RABGAP1L: variants seen among roughly 807,000 people sequenced by gnomAD.
The protein encoded by RABGAP1L is RAB GTPase activating protein 1 like.
In RABGAP1L, 63 loss-of-function variants were observed where a neutral mutation model predicts 137.7. The observed-to-expected ratio is 0.46, with a 90% CI of 0.37 to 0.56. RABGAP1L has a LOEUF of 0.56. Among genes scored for constraint, RABGAP1L ranks in the 20% least tolerant of loss-of-function variants. The pLI is 0.00. For synonymous variants in RABGAP1L, 431 were observed against 433.7 expected (o/e 0.99, Z 0.08); for missense variants, 1,095 against 1,244.0 (o/e 0.88, Z 1.80).
chr1:174,655,807 TG>T (rs1314421359), intron 14 of RABGAP1L, among the ~76,000 whole-genome samples: 1 of 152,246 alleles, frequency 6.6e-6, no homozygotes, highest in Non-Finnish European at 1.5e-5. Context: ...TATTGTCCAG[TG>T]GGAAGACTTC....
intron 14 of RABGAP1L, among the ~76,000 whole-genome samples, chr1:174,644,840 G>A (rs142818078): frequency 3.9e-5 from 6 of 152,010 alleles, no homozygotes; most frequent in Admixed American, 1.3e-4. Flanking sequence ...AGAACCCTTC[G>A]TCCTTTCTCC....
intron 13 of RABGAP1L, among the ~76,000 whole-genome samples, chr1:174,610,700 A>G (rs573443640): frequency 1.2e-3 from 180 of 152,322 alleles, no homozygotes; most frequent in African/African-American, 4.1e-3. Flanking sequence ...ATTTCTCCAC[A>G]TCCTCTCCAG....
rs1184223337 is a variant in RABGAP1L, at chr1:174,221,147, T to C, written c.314T>C (p.Leu105Ser). The C allele has an allele frequency of 2.5e-6, 4 of 1,611,768 alleles. 1 individual carries two copies. The South Asian group carries it at 3.3e-5, about 13-fold the overall frequency. ...AATAAGCCATCTCTTCAGTTAATTT[T>C]GGATCCGTCTAACACAGGTACTGTA... Reference protein sequence around the residue: ...QTNKPSLQLILDPSNTEISTP... With the variant: ...QTNKPSLQLISDPSNTEISTP... Residue 105 changes from leucine to serine, a missense_variant, in exon 3 of 26, where the codon TTG becomes TCG. By Grantham distance (145) the Leu-to-Ser change is moderately radical. Around this residue, in one of 4 missense-constraint regions of RABGAP1L, gnomAD observed 356 missense variants for 326.3 expected, o/e 1.09. Coordinates refer to ENST00000681986, the MANE Select transcript of RABGAP1L (RefSeq NM_001366446.1).
intron 10 of RABGAP1L, among the ~76,000 whole-genome samples, chr1:174,294,673 A>G (rs768378061): frequency 1.8e-4 from 27 of 152,306 alleles, no homozygotes; most frequent in Non-Finnish European, 3.4e-4. Context: ...TGGCCAAGAT[A>G]AGAAATGATG....
chr1:174,615,065 T>C, intron 13 of RABGAP1L, among the ~76,000 whole-genome samples: 1 of 152,246 alleles, frequency 6.6e-6, no homozygotes, highest in East Asian at 1.9e-4. Context: ...TCTGAAGCCT[T>C]CTTCTCTCAA....
At chr1:174,408,443 C>T (rs974036514) in intron 13 of RABGAP1L, among the ~76,000 whole-genome samples, 4 of 152,180 alleles carry the variant, frequency 2.6e-5, no homozygotes, top group African/African-American at 9.6e-5. Flanking sequence ...ATATATACCA[C>T]ATTTTCTTTT....
intron 21 of RABGAP1L, 64 bp downstream of exon 21, chr1:174,969,451 C>G: frequency 8.1e-7 from 1 of 1,229,704 alleles, no homozygotes. Flanking sequence ...CCCTCATCAC[C>G]GCCCCCACAA....
At chr1:174,350,151 T>A (rs1268938907) in intron 11 of RABGAP1L, among the ~76,000 whole-genome samples, 3 of 111,380 alleles carry the variant, frequency 2.7e-5, no homozygotes, top group African/African-American at 7.1e-5. Flanking sequence ...ACCCCCCACC[T>A]CCCTCCCGGA....
At chr1:174,711,711 C>T (rs1343144350) in intron 17 of RABGAP1L, among the ~76,000 whole-genome samples, 1 of 152,236 alleles carries the variant, frequency 6.6e-6, no homozygotes, top group African/African-American at 2.4e-5. Context: ...CTCCCGCACG[C>T]CCGAGCCTCC....
At chr1:174,643,981 ATACT>A (rs1674745995) in intron 14 of RABGAP1L, among the ~76,000 whole-genome samples, 6 of 151,528 alleles carry the variant, frequency 4.0e-5, no homozygotes, top group South Asian at 4.2e-4. Flanking sequence ...GGTTAATTTC[ATACT>A]TACCCTTTAC....
chr1:174,866,110 GGAGAGA>G (rs34712612), intron 19 of RABGAP1L, among the ~76,000 whole-genome samples: 19,844 of 65,596 alleles, frequency 0.3, 3,058 homozygotes, highest in Non-Finnish European at 0.38. Context: ...GGAGGGAGGG[GGAGAGA>G]GAGAGAGAGA....
intron 1 of RABGAP1L, among the ~76,000 whole-genome samples, chr1:174,214,010 A>G (rs1416115179): frequency 2.0e-5 from 3 of 152,220 alleles, no homozygotes; most frequent in East Asian, 1.9e-4. Flanking sequence ...GACAAGAGAA[A>G]GCAATAAAGG....
chr1:174,515,637 T>TA (rs1259461916), intron 13 of RABGAP1L, among the ~76,000 whole-genome samples: 7 of 152,200 alleles, frequency 4.6e-5, no homozygotes, highest in Non-Finnish European at 5.9e-5. Flanking sequence ...CAACCATACT[T>TA]ACGTGTTTCA....
intron 13 of RABGAP1L, among the ~76,000 whole-genome samples, chr1:174,408,501 A>G (rs1052477724): frequency 6.6e-6 from 1 of 151,476 alleles, no homozygotes; most frequent in African/African-American, 2.4e-5. Flanking sequence ...TGTCTTTGTT[A>G]TTGTGAATAG....
chr1:174,357,544 G>A (rs1318656209), intron 11 of RABGAP1L, among the ~76,000 whole-genome samples: 1 of 152,204 alleles, frequency 6.6e-6, no homozygotes, highest in Non-Finnish European at 1.5e-5. Context: ...AAACATGAAT[G>A]TTGTAGATAT....
At position 174,448,899 on chromosome 1, in the gene RABGAP1L, A is replaced by G; in HGVS notation, c.1710+54754A>G. On this transcript the variant is annotated intron_variant, in intron 13 of 25. Transcript: ENST00000681986. The surrounding 1 kb of genome is among the most constrained non-coding windows in gnomAD (Gnocchi z 4.2). ...ACTGGACACAGCCCTGACCGTCGCT[A>G]CGCCATGGTTTTGTTTAGGATAACC... 1 of 1,613,474 alleles carries G rather than the reference A, an allele frequency of 6.2e-7. No homozygotes were observed. The highest frequency in any genetic ancestry group is 8.5e-7 in the Non-Finnish European group (1 of 1,179,420).
At position 174,664,730 on chromosome 1, in the gene RABGAP1L, C is replaced by CTTTTTTTTTTTTTTTTTTT. The variant is rs747671420; in HGVS notation, c.1825-18789_1825-18788insTTTTTTTTTTTTTTTTTTT. On this transcript the variant is annotated intron_variant, in intron 14 of 25. Transcript: ENST00000681986. ...CTCTCTCTTTCTTTCTTTCTTTCTGCTTTCTTTTTTTTTTTTTTTTTTTTT... is the reference window on the plus strand; with the variant it reads ...CTCTCTCTTTCTTTCTTTCTTTCTGCTTTTTTTTTTTTTTTTTTTTTTCTTTTTTTTTTTTTTTTTTTTT... Among the ~76,000 whole-genome samples the CTTTTTTTTTTTTTTTTTTT allele has an allele frequency of 4.2e-4, 42 of 98,904 alleles. 7 individuals are homozygous for CTTTTTTTTTTTTTTTTTTT. The highest frequency in any genetic ancestry group is 1.9e-3 in the African/African-American group (30 of 15,650). 64.9% of individuals were successfully genotyped at this position (98,904 alleles called of 152,430 possible).
chr1:174,819,240 G>C (rs1199167670), intron 19 of RABGAP1L, among the ~76,000 whole-genome samples: 1 of 144,684 alleles, frequency 6.9e-6, no homozygotes, highest in Middle Eastern at 3.4e-3. Context: ...CTGAGAGTAA[G>C]TATGGGAGAG....
intron 13 of RABGAP1L, among the ~76,000 whole-genome samples, chr1:174,590,490 TC>T (rs2148128353): frequency 1.1e-5 from 1 of 93,042 alleles, no homozygotes; most frequent in South Asian, 4.3e-4. Context: ...CCCAATGCTA[TC>T]CCTCCCCCCT....
Sources: allele counts gnomAD v4.1 joint callset (sites outside exome capture counted in the v4.1 genomes callset), GRCh38; gene constraint gnomAD v4.1.1; regional missense constraint gnomAD v4.1.1; non-coding constraint Gnocchi (gnomAD v3.1); transcripts MANE v1.5; gene names NCBI Gene and HGNC (gene_info 2026-07-23, HGNC 2026-07-21).